RGS3: variants seen among roughly 807,000 people sequenced by gnomAD.
RGS3 encodes the protein regulator of G protein signaling 3, also known as regulator of G-protein signalling 3.
A neutral mutation model predicts 132.6 loss-of-function variants in RGS3; 80 were observed. The observed-to-expected ratio is 0.60, with a 90% confidence interval of 0.50 to 0.73. RGS3 has a LOEUF of 0.73. Among genes scored for constraint, RGS3 ranks in the 30% least tolerant of loss-of-function variants. The pLI is 0.00. For missense variants in RGS3, 1,382 were observed against 1,530.8 expected (o/e 0.90, Z 1.62); for synonymous variants, 598 against 620.6 (o/e 0.96, Z 0.54).
intron 19 of RGS3, among the ~76,000 whole-genome samples, chr9:113,549,778 C>T (rs1213594716): frequency 6.6e-6 from 1 of 152,164 alleles, no homozygotes; most frequent in African/African-American, 2.4e-5. Flanking sequence ...ATTTTCAGTG[C>T]CTGTGGAGTA....
chr9:113,470,981 A>C (rs1293885918), intron 3 of RGS3, among the ~76,000 whole-genome samples: 2 of 152,102 alleles, frequency 1.3e-5, no homozygotes, highest in Non-Finnish European at 2.9e-5. Context: ...AACAAACAAC[A>C]AACAAACAGT....
At chr9:113,473,575 CAG>C (rs1412725405) in intron 3 of RGS3, among the ~76,000 whole-genome samples, 7 of 152,110 alleles carry the variant, frequency 4.6e-5, no homozygotes, top group African/African-American at 1.7e-4. Flanking sequence ...TTTGGAGAGA[CAG>C]AGTCTTGCTA....
chr9:113,582,540 C>G (rs1292450070), intron 19 of RGS3: 1 of 152,198 alleles, frequency 6.6e-6, no homozygotes, highest in African/African-American at 2.4e-5. Context: ...GGGGCCCACC[C>G]CAGACTTGAG....
chr9:113,583,752 G>A (rs1364592627), exon 20 of RGS3: 1 of 1,614,076 alleles, frequency 6.2e-7, no homozygotes, highest in African/African-American at 1.3e-5. Context: ...CACCCTGCCA[G>A]GACCTACCTG....
intron 15 of RGS3, 24 bp from the exon 14 acceptor site, chr9:113,517,517 C>G (rs1831739621): frequency 1.2e-6 from 2 of 1,604,248 alleles, no homozygotes; most frequent in Middle Eastern, 4.1e-4. Context: ...TTTGAACTGC[C>G]CACTCAGCCT....
chr9:113,548,133 A>G (rs905753161), intron 19 of RGS3, among the ~76,000 whole-genome samples: 1 of 152,184 alleles, frequency 6.6e-6, no homozygotes, highest in Non-Finnish European at 1.5e-5. Flanking sequence ...TCCTTCCCCC[A>G]CTGAGATCAA....
At chr9:113,447,329 G>GTATATATATACATA (rs1829129802) in intron 1 of RGS3, among the ~76,000 whole-genome samples, 1 of 27,536 alleles carries the variant, frequency 3.6e-5, no homozygotes, top group Non-Finnish European at 7.5e-5. Context: ...GTATGTATAT[G>GTATATATATACATA]TATATATATA....
chr9:113,547,950 A>T (rs1564555306), intron 19 of RGS3, among the ~76,000 whole-genome samples: 1 of 152,234 alleles, frequency 6.6e-6, no homozygotes, highest in African/African-American at 2.4e-5. Flanking sequence ...AGGGTTAAGT[A>T]GGCTGGCCTA....
intron 10 of RGS3, among the ~76,000 whole-genome samples, chr9:113,499,924 C>T (rs1401376177): frequency 6.6e-6 from 1 of 152,244 alleles, no homozygotes; most frequent in Non-Finnish European, 1.5e-5. Context: ...AAGCTTTCCT[C>T]TGGCTTCTGT....
chr9:113,565,079 A>G lies in RGS3; in HGVS notation c.2038-18371A>G, dbSNP rs975704965. On this transcript the variant is annotated intron_variant, in intron 19 of 24. Coordinates refer to ENST00000350696, the Ensembl canonical transcript of RGS3. The surrounding 1 kb of genome is among the most constrained non-coding windows in gnomAD (Gnocchi z 5.7). ...CCCAGTGCCAGGGGGTGCCGTTGTG[A>G]GGGATGGACGCCTCTCCCCCGGAGC... is the stretch of plus-strand genomic sequence containing the variant. 5.8e-5 allele frequency: 67 copies of G among 1,147,802 alleles called. No homozygotes were observed. Among genetic ancestry groups the G allele is most frequent in the Non-Finnish European group, 7.2e-5 (66 of 920,472 alleles). 71.1% of individuals were successfully genotyped at this position (1,147,802 alleles called of 1,614,324 possible).
rs151243483 is a variant in RGS3, at chr9:113,532,438, G to C, written c.1914+3174G>C. On this transcript the variant is annotated intron_variant, in intron 18 of 24. Coordinates refer to ENST00000350696, the Ensembl canonical transcript of RGS3. ...AATGTTTGCCCATCTAAGCCAGCCA[G>C]CTCTGCCCCCTGCCTTGGAAGCCTT... Among the ~76,000 whole-genome samples, 8 of 152,258 alleles carry C rather than the reference G, an allele frequency of 5.3e-5. No homozygotes were observed. The East Asian group carries it at 1.5e-3, about 29-fold the overall frequency.
chr9:113,546,084 C>T (rs890280119), intron 19 of RGS3, among the ~76,000 whole-genome samples: 1 of 152,204 alleles, frequency 6.6e-6, no homozygotes, highest in Non-Finnish European at 1.5e-5. Flanking sequence ...CAGAGTAAAG[C>T]TTGGCTTTCC....
exon 15 of RGS3, chr9:113,514,566 C>A: frequency 6.2e-7 from 1 of 1,614,148 alleles, no homozygotes; most frequent in Non-Finnish European, 8.5e-7. Flanking sequence ...CAAAACTGCC[C>A]GGTTGTGAGG....
At chr9:113,543,289 A>T (rs1832977773) in intron 19 of RGS3, among the ~76,000 whole-genome samples, 1 of 152,216 alleles carries the variant, frequency 6.6e-6, no homozygotes, top group South Asian at 2.1e-4. Context: ...CTCAGCTGCT[A>T]TGGCCACTTG....
rs779309097 is a variant in RGS3, at chr9:113,497,289, C to T, written c.751-25C>T. 6 of 1,581,356 alleles carry T rather than the reference C, an allele frequency of 3.8e-6. No individual in the cohort carries two copies. The South Asian group carries it at 4.4e-5, about 12-fold the overall frequency. On this transcript the variant is annotated intron_variant, in intron 8 of 24. Transcript: ENST00000350696. ...TGTGCTTCTGCCTCCTGTGTCTGAG[C>T]GTGCCATTCCTTCTCTCGTGACAGG...
At chr9:113,568,519 A>C (rs1834109916) in intron 19 of RGS3, among the ~76,000 whole-genome samples, 1 of 152,200 alleles carries the variant, frequency 6.6e-6, no homozygotes, top group Admixed American at 6.5e-5. Flanking sequence ...GATTCTTTGC[A>C]GGCCGTCTCC....
At chr9:113,489,105 G>T (rs1244128255) in intron 7 of RGS3, among the ~76,000 whole-genome samples, 1 of 152,146 alleles carries the variant, frequency 6.6e-6, no homozygotes, top group Non-Finnish European at 1.5e-5. Flanking sequence ...ACTTATTATT[G>T]CCCCTCTCTT....
rs1030683496 is a variant in RGS3 at position 113,579,071 on chromosome 9, G to T, written c.2038-4379G>T. 1.3e-5 allele frequency among the ~76,000 whole-genome samples: 2 copies of T among 149,034 alleles called. No individual in the cohort carries two copies. Among genetic ancestry groups the T allele is most frequent in the Non-Finnish European group, 3.0e-5 (2 of 67,300 alleles). On this transcript the variant is annotated intron_variant, in intron 19 of 24. Transcript: ENST00000350696. The surrounding 1 kb of genome is among the most constrained non-coding windows in gnomAD (Gnocchi z 4.3). ...CACCCTGAGACAGAGGCAAACCCCAGTTTACACCCCCCCAGTGCAGGAAGT... is the reference window on the plus strand; with the variant it reads ...CACCCTGAGACAGAGGCAAACCCCATTTTACACCCCCCCAGTGCAGGAAGT...
chr9:113,572,011 G>A (rs1358684151), intron 19 of RGS3, among the ~76,000 whole-genome samples: 1 of 152,176 alleles, frequency 6.6e-6, no homozygotes, highest in Non-Finnish European at 1.5e-5. Flanking sequence ...TGGGTCACTT[G>A]AATTTTGAAG....
Sources: gnomAD v4.1 joint callset for allele counts (sites outside exome capture counted in the v4.1 genomes callset) on GRCh38, gnomAD v4.1.1 for gene constraint, Gnocchi (gnomAD v3.1) non-coding constraint, MANE v1.5 for transcripts, NCBI Gene and HGNC (gene_info 2026-07-23, HGNC 2026-07-21) for gene names.